EYS: variants seen among roughly 807,000 people sequenced by gnomAD.
EYS encodes the protein protein eyes shut homolog.
A neutral mutation model predicts 282.1 loss-of-function variants in EYS; 250 were observed. The ratio of observed to expected loss-of-function variants is 0.89; its 90% CI spans 0.80 to 0.98. The LOEUF (loss-of-function observed/expected upper bound fraction) is 0.98, where lower values mean the gene tolerates loss of function less well. Ranked by LOEUF, EYS falls within the 50% of genes least tolerant of loss-of-function variation. The pLI is 0.00. For missense variants in EYS, 4,016 were observed against 3,709.0 expected (o/e 1.08, Z -2.15); for synonymous variants, 1,355 against 1,282.9 (o/e 1.06, Z -1.20).
chr6:65,632,103 CA>C (rs1766933736), intron 2 of EYS, among the ~76,000 whole-genome samples: 1 of 151,464 alleles, frequency 6.6e-6, no homozygotes, highest in Non-Finnish European at 1.5e-5. Flanking sequence ...ACTTAACTGC[CA>C]AAAACCAAAA....
At chr6:65,265,374 T>C (rs1582079552) in intron 12 of EYS, among the ~76,000 whole-genome samples, 1 of 152,174 alleles carries the variant, frequency 6.6e-6, no homozygotes, top group African/African-American at 2.4e-5. Context: ...ATTGTGTCAC[T>C]ATTAGGGGAT....
chr6:65,247,400 C>A (rs770233309), intron 12 of EYS, among the ~76,000 whole-genome samples: 9 of 152,032 alleles, frequency 5.9e-5, no homozygotes, highest in Non-Finnish European at 1.2e-4. Context: ...TATACCTAAT[C>A]TTTTACCCTG....
At chr6:63,790,855 G>A (rs1582210290) in intron 37 of EYS, among the ~76,000 whole-genome samples, 1 of 152,186 alleles carries the variant, frequency 6.6e-6, no homozygotes, top group Non-Finnish European at 1.5e-5. Context: ...CAGGTTATGG[G>A]AGTGGAGCCA....
intron 26 of EYS, among the ~76,000 whole-genome samples, chr6:64,550,691 T>C (rs531790704): frequency 6.6e-6 from 1 of 152,276 alleles, no homozygotes; most frequent in Admixed American, 6.5e-5. Context: ...TCAGATGACA[T>C]GATTGTATAT....
intron 12 of EYS, among the ~76,000 whole-genome samples, chr6:65,090,675 A>G (rs1158304358): frequency 6.6e-6 from 1 of 152,184 alleles, no homozygotes; most frequent in Non-Finnish European, 1.5e-5. Context: ...AGTGTGTCAT[A>G]AATCCCAAAA....
chr6:64,868,354 C>A (rs1442197196), intron 19 of EYS, among the ~76,000 whole-genome samples: 1 of 151,190 alleles, frequency 6.6e-6, no homozygotes, highest in Non-Finnish European at 1.5e-5. Flanking sequence ...AACATAAATG[C>A]ATGTTACAAA....
intron 14 of EYS, among the ~76,000 whole-genome samples, chr6:64,983,329 T>C (rs1222904775): frequency 1.3e-5 from 2 of 151,212 alleles, no homozygotes; most frequent in Admixed American, 6.6e-5. Flanking sequence ...ATAAAAAAGA[T>C]AGATAACTGC....
At chr6:64,056,597 A>G (rs905359809) in intron 33 of EYS, among the ~76,000 whole-genome samples, 6 of 152,192 alleles carry the variant, frequency 3.9e-5, no homozygotes, top group Admixed American at 2.6e-4. Flanking sequence ...AATTTCTGCT[A>G]CTGCACCCTA....
chr6:65,694,293 G>A (rs1297997463), intron 1 of EYS, among the ~76,000 whole-genome samples: 1 of 149,076 alleles, frequency 6.7e-6, no homozygotes, highest in Non-Finnish European at 1.5e-5. Context: ...ATATATATAT[G>A]TATAATAAAA....
At chr6:65,009,584 G>A (rs1181237091) in intron 13 of EYS, among the ~76,000 whole-genome samples, 3 of 152,122 alleles carry the variant, frequency 2.0e-5, no homozygotes, top group African/African-American at 7.2e-5. Context: ...TTTACCCCAA[G>A]GGTTCAGAGA....
chr6:64,623,820 G>A (rs751165451), intron 23 of EYS, among the ~76,000 whole-genome samples: 16 of 152,166 alleles, frequency 1.1e-4, no homozygotes, highest in East Asian at 5.8e-4. Flanking sequence ...GTACACAAGA[G>A]AGTTAATTTT....
chr6:65,035,299 A>T (rs1772732583), intron 13 of EYS, among the ~76,000 whole-genome samples: 1 of 152,124 alleles, frequency 6.6e-6, no homozygotes. Context: ...CAAGACAAGG[A>T]TACCTACACT....
At chr6:63,911,675 G>A (rs1334422294) in intron 35 of EYS, among the ~76,000 whole-genome samples, 2 of 152,082 alleles carry the variant, frequency 1.3e-5, no homozygotes. Context: ...TTCATCTAAA[G>A]ATACAGTCTG....
rs181634661 is a variant in EYS, at chr6:65,398,551, T to A, written c.1184+3927A>T. On this transcript the variant is annotated intron_variant, in intron 7 of 42. Coordinates refer to ENST00000503581, the MANE Select transcript of EYS (RefSeq NM_001142800.2). The stretch of plus-strand genomic sequence containing the variant: ...AACTAGGAGAAACTCTTCCAGACAT[T>A]GGCCTAGGCAAAGAATTAATGACTA... Among the ~76,000 whole-genome samples, 624 of 152,078 alleles carry A rather than the reference T, an allele frequency of 4.1e-3. 5 individuals carry two copies. The highest frequency in any genetic ancestry group is 0.014 in the African/African-American group (591 of 41,532).
At chr6:65,095,882 A>G (rs1248109324) in intron 12 of EYS, among the ~76,000 whole-genome samples, 1 of 150,746 alleles carries the variant, frequency 6.6e-6, no homozygotes, top group Non-Finnish European at 1.5e-5. Flanking sequence ...CTCTATGATC[A>G]GAAACAGGGT....
chr6:65,468,713 G>A (rs1268441205), intron 5 of EYS, among the ~76,000 whole-genome samples: 1 of 152,020 alleles, frequency 6.6e-6, no homozygotes, highest in African/African-American at 2.4e-5. Flanking sequence ...TGATTGCAAA[G>A]CAGTGTAAGT....
intron 12 of EYS, among the ~76,000 whole-genome samples, chr6:65,265,953 G>C (rs1767742141): frequency 6.6e-6 from 1 of 151,706 alleles, no homozygotes; most frequent in African/African-American, 2.4e-5. Flanking sequence ...TTCTAATTTT[G>C]AGTACACATC....
At chr6:64,864,454 C>T (rs1212025397) in intron 19 of EYS, among the ~76,000 whole-genome samples, 6 of 136,558 alleles carry the variant, frequency 4.4e-5, no homozygotes, top group African/African-American at 1.1e-4. Flanking sequence ...GGTGCAATCT[C>T]GGCTCACTGC....
intron 22 of EYS, among the ~76,000 whole-genome samples, chr6:64,686,841 GTATATA>G: frequency 1.0e-5 from 1 of 98,736 alleles, no homozygotes; most frequent in Non-Finnish European, 2.0e-5. Context: ...ATATATACGT[GTATATA>G]TATATATGTG....
Sources: gnomAD v4.1 joint callset for allele counts (sites outside exome capture counted in the v4.1 genomes callset) on GRCh38, gnomAD v4.1.1 for gene constraint, MANE v1.5 for transcripts, NCBI Gene and HGNC (gene_info 2026-07-23, HGNC 2026-07-21) for gene names.